KLRG1: variants seen among roughly 807,000 people sequenced by gnomAD.
KLRG1 encodes the protein killer cell lectin-like receptor subfamily G member 1.
KLRG1 carries 16 observed loss-of-function variants against 21.8 expected under a neutral mutation model. The ratio of observed to expected loss-of-function variants is 0.73; its 90% CI spans 0.50 to 1.11. The LOEUF is 1.11. Ranked by LOEUF, KLRG1 falls within the 50% of genes most tolerant of loss-of-function variation. KLRG1 has a pLI of 0.00. For missense variants in KLRG1, 173 were observed against 218.3 expected, an observed-to-expected ratio of 0.79 and a Z score of 1.31; for synonymous variants, 69 against 75.9, an observed-to-expected ratio of 0.91 and a Z score of 0.47.
chr12:8,965,061 T>C (rs1473737851), intron 1 of KLRG1, among the ~76,000 whole-genome samples: 19 of 152,160 alleles, frequency 1.2e-4, no homozygotes, highest in Admixed American at 5.9e-4. Context: ...TAATCCAATA[T>C]ATAAACAGAA....
chr12:9,066,968 T>C, the KLRG1 span: 1 of 152,220 alleles, frequency 6.6e-6, no homozygotes, highest in Admixed American at 6.5e-5. Flanking sequence ...AATGGAAATA[T>C]ATGTCGCAAT....
At chr12:9,053,385 C>T in the KLRG1 span, among the ~76,000 whole-genome samples, 5 of 152,104 alleles carry the variant, frequency 3.3e-5, no homozygotes, top group African/African-American at 1.2e-4. Context: ...GATGTCTACC[C>T]TGTGAAGTAG....
chr12:9,174,323 T>C, the KLRG1 span, among the ~76,000 whole-genome samples: 2 of 151,990 alleles, frequency 1.3e-5, no homozygotes, highest in Admixed American at 6.6e-5. Flanking sequence ...TGAAGGAACA[T>C]ACCTCATAAG....
the KLRG1 span, among the ~76,000 whole-genome samples, chr12:9,129,838 G>A: frequency 2.0e-5 from 3 of 152,174 alleles, no homozygotes; most frequent in Non-Finnish European, 2.9e-5. Context: ...GTGAGCCACC[G>A]CGCCTGGTGA....
the KLRG1 span, among the ~76,000 whole-genome samples, chr12:9,213,521 G>A: frequency 6.6e-6 from 1 of 152,008 alleles, no homozygotes; most frequent in Non-Finnish European, 1.5e-5. Flanking sequence ...TAGAATGATA[G>A]CCATAGTGGA....
At chr12:9,156,017 CT>C in the KLRG1 span, 1 of 175,634 alleles carries the variant, frequency 5.7e-6, no homozygotes, top group Non-Finnish European at 1.2e-5. Context: ...GCTTCTTGAC[CT>C]TTTGGCTAAG....
chr12:9,089,638 G>A, the KLRG1 span, among the ~76,000 whole-genome samples: 3 of 152,084 alleles, frequency 2.0e-5, no homozygotes, highest in African/African-American at 7.2e-5. Context: ...CTACTCAGGA[G>A]GCTGAGGCAC....
At chr12:9,072,687 A>G in the KLRG1 span, 1 of 1,614,100 alleles carries the variant, frequency 6.2e-7, no homozygotes, top group African/African-American at 1.3e-5. Context: ...TGTCACTTTC[A>G]TGCTGTATTC....
the KLRG1 span, among the ~76,000 whole-genome samples, chr12:9,075,415 T>G: frequency 6.6e-6 from 1 of 152,130 alleles, no homozygotes; most frequent in South Asian, 2.1e-4. Context: ...ACATGAGTAT[T>G]CATTGCAGCA....
chr12:9,127,611 C>G, the KLRG1 span, among the ~76,000 whole-genome samples: 1 of 152,170 alleles, frequency 6.6e-6, no homozygotes, highest in Non-Finnish European at 1.5e-5. Context: ...GGGGCGCCTT[C>G]CTAGAGCCCA....
the KLRG1 span, chr12:9,152,340 G>A: frequency 3.8e-6 from 6 of 1,559,758 alleles, no homozygotes; most frequent in African/African-American, 8.1e-5. Flanking sequence ...AGAATTTAGG[G>A]TTTTATACGT....
At chr12:8,996,115 T>C (rs1947123402) in intron 3 of KLRG1, among the ~76,000 whole-genome samples, 1 of 152,146 alleles carries the variant, frequency 6.6e-6, no homozygotes. Context: ...CAGACTGCAA[T>C]GTTGAGAAAG....
At chr12:9,017,008 T>C in the KLRG1 span, among the ~76,000 whole-genome samples, 4 of 151,830 alleles carry the variant, frequency 2.6e-5, no homozygotes, top group Non-Finnish European at 4.4e-5. Context: ...AGACACACTT[T>C]AAAAAATTTC....
chr12:9,089,373 A>G, the KLRG1 span: 2 of 736,058 alleles, frequency 2.7e-6, no homozygotes, highest in South Asian at 3.3e-5. Flanking sequence ...TATCTAAGAA[A>G]ATTCTGTACA....
At chr12:9,166,278 A>G in the KLRG1 span, 1 of 1,487,558 alleles carries the variant, frequency 6.7e-7, no homozygotes. Context: ...ACGTTAGAGA[A>G]CAAAATTTTC....
Position 8,992,317 on chromosome 12 carries a change from G to C in KLRG1, c.187+7G>C. On this transcript the variant is annotated splice_region_variant and intron_variant, in intron 2 of 4. Transcript: ENST00000356986. ...CAGTGGATCCTGTGCCAGGGTAAGTGCAAACTTAAACCAAAATTAATCTTT... is the reference window on the plus strand; with the variant it reads ...CAGTGGATCCTGTGCCAGGGTAAGTCCAAACTTAAACCAAAATTAATCTTT... 6.3e-7 allele frequency: 1 copy of C among 1,581,248 alleles called. No homozygotes were observed. The highest frequency in any genetic ancestry group is 8.6e-7 in the Non-Finnish European group (1 of 1,162,582).
the KLRG1 span, among the ~76,000 whole-genome samples, chr12:9,131,721 A>G: frequency 6.6e-5 from 10 of 151,956 alleles, no homozygotes; most frequent in African/African-American, 1.9e-4. Context: ...ATACGTTTAT[A>G]TATTTGTGTT....
the KLRG1 span, among the ~76,000 whole-genome samples, chr12:9,085,058 A>T: frequency 6.6e-6 from 1 of 152,166 alleles, no homozygotes; most frequent in Non-Finnish European, 1.5e-5. Flanking sequence ...GAAGGGAGAG[A>T]TATGTTGCAA....
chr12:9,157,351 G>A, the KLRG1 span: 2 of 1,612,216 alleles, frequency 1.2e-6, no homozygotes, highest in Non-Finnish European at 1.7e-6. Context: ...GCGAACAATA[G>A]GGTTCTGTAA....
Sources: gnomAD v4.1 joint callset for allele counts (sites outside exome capture counted in the v4.1 genomes callset) on GRCh38, gnomAD v4.1.1 for gene constraint, MANE v1.5 for transcripts, NCBI Gene and HGNC (gene_info 2026-07-23, HGNC 2026-07-21) for gene names.